The following GRID2 variants were observed in gnomAD, a reference collection of about 807,000 sequenced individuals.
The protein encoded by GRID2 is glutamate receptor ionotropic, delta-2.
GRID2 carries 33 observed loss-of-function variants against 114.8 expected under a neutral mutation model. That is an observed-to-expected ratio of 0.29 (90% CI 0.22 to 0.38). The LOEUF is 0.38. Among genes scored for constraint, GRID2 ranks in the 10% least tolerant of loss-of-function variants. The pLI, the probability that GRID2 is intolerant of heterozygous loss-of-function variation, is 1.00. For synonymous variants in GRID2, 505 were observed against 449.9 expected (o/e 1.12, Z -1.55); for missense variants, 1,184 against 1,257.7 (o/e 0.94, Z 0.89).
At chr4:93,484,018 T>A (rs959190935) in intron 11 of GRID2, among the ~76,000 whole-genome samples, 1 of 151,890 alleles carries the variant, frequency 6.6e-6, no homozygotes, top group African/African-American at 2.4e-5. Context: ...AAATGCATAT[T>A]TTTTTTCTAA....
At chr4:93,255,968 A>G (rs990971073) in intron 8 of GRID2, among the ~76,000 whole-genome samples, 1 of 152,122 alleles carries the variant, frequency 6.6e-6, no homozygotes, top group African/African-American at 2.4e-5. Context: ...GAAAAAATCT[A>G]TTTTAAAAAA....
intron 2 of GRID2, among the ~76,000 whole-genome samples, chr4:92,924,164 C>G (rs1749613555): frequency 6.6e-6 from 1 of 152,118 alleles, no homozygotes; most frequent in South Asian, 2.1e-4. Context: ...AAACCAAACA[C>G]CACATGTTCT....
intron 1 of GRID2, among the ~76,000 whole-genome samples, chr4:92,510,516 G>A (rs111567880): frequency 2.0e-5 from 3 of 151,704 alleles, no homozygotes; most frequent in South Asian, 2.1e-4. Flanking sequence ...AGTCATCAAG[G>A]GTTTGATAGA....
intron 4 of GRID2, among the ~76,000 whole-genome samples, chr4:93,170,327 A>G (rs986966703): frequency 6.6e-6 from 1 of 151,906 alleles, no homozygotes; most frequent in Non-Finnish European, 1.5e-5. Flanking sequence ...CAAGTGATCC[A>G]CCCGCCTTGG....
chr4:93,384,804 G>A (rs777797080), intron 8 of GRID2, among the ~76,000 whole-genome samples: 27 of 152,038 alleles, frequency 1.8e-4, no homozygotes, highest in Admixed American at 7.9e-4. Context: ...TTTAAAATAC[G>A]CCTGACTTTC....
intron 4 of GRID2, among the ~76,000 whole-genome samples, chr4:93,132,560 G>A (rs966205595): frequency 1.8e-4 from 27 of 152,094 alleles, no homozygotes; most frequent in Admixed American, 5.2e-4. Flanking sequence ...GGGCCCTTAA[G>A]GGATGGAATT....
intron 1 of GRID2, among the ~76,000 whole-genome samples, chr4:92,336,630 G>A (rs1038292796): frequency 1.3e-5 from 2 of 152,124 alleles, no homozygotes; most frequent in Non-Finnish European, 2.9e-5. Flanking sequence ...ATAACATCAT[G>A]TCCCTACTGT....
intron 8 of GRID2, among the ~76,000 whole-genome samples, chr4:93,319,440 G>T (rs534577490): frequency 1.3e-5 from 2 of 151,998 alleles, no homozygotes; most frequent in South Asian, 2.1e-4. Context: ...AACTGTTTTG[G>T]TAGGGAGAAT....
At chr4:92,929,286 A>G (rs544561310) in intron 2 of GRID2, among the ~76,000 whole-genome samples, 311 of 151,454 alleles carry the variant, frequency 2.1e-3, no homozygotes, top group South Asian at 2.5e-3. Flanking sequence ...ATTTGAATGA[A>G]GGTAAACATA....
intron 13 of GRID2, among the ~76,000 whole-genome samples, chr4:93,536,647 C>T (rs111496294): frequency 3.2e-4 from 22 of 68,250 alleles, no homozygotes; most frequent in Middle Eastern, 8.2e-3. Flanking sequence ...TTTTTGACTT[C>T]TTTTTTTTTT....
rs868786369 is a variant in GRID2 at position 93,296,494 on chromosome 4, T to C, written c.1245+58004T>C. 3.3e-5 allele frequency among the ~76,000 whole-genome samples: 5 copies of C among 152,164 alleles called. No individual in the cohort carries two copies. The South Asian group carries it at 6.2e-4, about 19-fold the overall frequency. ...AGGAAAGGTACCTATTTCAGAATGT[T>C]TCTGTAAAGGTGAGCAAAGAAAGAG... On this transcript the variant is annotated intron_variant, in intron 8 of 15. Coordinates refer to ENST00000282020, the MANE Select transcript of GRID2 (RefSeq NM_001510.4).
chr4:92,940,041 C>T lies in GRID2; in HGVS notation c.245-144954C>T, dbSNP rs537558887. 2.5e-4 allele frequency among the ~76,000 whole-genome samples: 37 copies of T among 146,966 alleles called. 7 individuals are homozygous for T. The South Asian group carries it at 5.1e-3, about 20-fold the overall frequency. ...TTCTTTTGGCTTAGAATTGACTTGG[C>T]GATGCAGGCTCTTTTTTGGTTCCAT... is the stretch of plus-strand genomic sequence containing the variant. On this transcript the variant is annotated intron_variant, in intron 2 of 15. Transcript: ENST00000282020.
chr4:92,605,745 A>G (rs1729423351), intron 2 of GRID2, among the ~76,000 whole-genome samples: 2 of 152,062 alleles, frequency 1.3e-5, no homozygotes, highest in Admixed American at 6.6e-5. Context: ...TCAAATTTTT[A>G]TTCTGTTGCC....
intron 8 of GRID2, among the ~76,000 whole-genome samples, chr4:93,329,127 G>A (rs1758164195): frequency 1.3e-5 from 2 of 152,116 alleles, no homozygotes; most frequent in South Asian, 4.1e-4. Context: ...AAGGAAGTAT[G>A]AGTTAGTTGA....
chr4:92,630,425 C>G (rs962345736), intron 2 of GRID2, among the ~76,000 whole-genome samples: 1 of 152,124 alleles, frequency 6.6e-6, no homozygotes, highest in Non-Finnish European at 1.5e-5. Context: ...TTCTGCCCCA[C>G]GAAAACCTTC....
At chr4:92,947,096 G>C (rs1010037066) in intron 2 of GRID2, among the ~76,000 whole-genome samples, 3 of 152,062 alleles carry the variant, frequency 2.0e-5, no homozygotes, top group African/African-American at 7.2e-5. Context: ...GATGTTTGAG[G>C]AGGATATAAC....
intron 8 of GRID2, among the ~76,000 whole-genome samples, chr4:93,241,877 C>T (rs1360241639): frequency 6.7e-6 from 1 of 149,814 alleles, no homozygotes; most frequent in Non-Finnish European, 1.5e-5. Flanking sequence ...AGATTTTTTA[C>T]AATGTAAGAG....
In GRID2 at chr4:92,963,356, T is replaced by C. The variant is rs563536126; in HGVS notation, c.245-121639T>C. Among the ~76,000 whole-genome samples, 3 of 152,156 alleles carry C rather than the reference T, an allele frequency of 2.0e-5. No homozygotes were observed. In the South Asian group the frequency reaches 6.2e-4, roughly 32 times the overall value. The stretch of plus-strand genomic sequence containing the variant: ...TTCAAAATTGGAGTAAATCCTCTTA[T>C]CCCTGCTGCTGATATATCAACTAGG... On this transcript the variant is annotated intron_variant, in intron 2 of 15. Coordinates refer to ENST00000282020, the MANE Select transcript of GRID2 (RefSeq NM_001510.4).
intron 2 of GRID2, among the ~76,000 whole-genome samples, chr4:92,825,971 T>A (rs1384424376): frequency 6.6e-6 from 1 of 152,146 alleles, no homozygotes; most frequent in East Asian, 1.9e-4. Context: ...GTGTTCCAAC[T>A]TGGCACTCCT....
Sources: allele counts gnomAD v4.1 joint callset (sites outside exome capture counted in the v4.1 genomes callset), GRCh38; gene constraint gnomAD v4.1.1; transcripts MANE v1.5; gene names NCBI Gene and HGNC (gene_info 2026-07-23, HGNC 2026-07-21).